SYK: variants seen among roughly 807,000 people sequenced by gnomAD.
SYK encodes the protein spleen associated tyrosine kinase.
A neutral mutation model predicts 77.8 loss-of-function variants in SYK; 16 were observed. The observed-to-expected ratio is 0.21, with a 90% CI of 0.14 to 0.31. The LOEUF (loss-of-function observed/expected upper bound fraction) is 0.31. SYK is among the 10% of genes least tolerant of loss of function. SYK has a pLI of 1.00. For synonymous variants in SYK, 312 were observed against 308.7 expected (o/e 1.01, Z -0.11); for missense variants, 529 against 814.4 (o/e 0.65, Z 4.26).
chr9:90,886,310 A>G (rs1447974590), intron 11 of SYK, among the ~76,000 whole-genome samples: 1 of 152,246 alleles, frequency 6.6e-6, no homozygotes, highest in African/African-American at 2.4e-5. Context: ...CTTTTTTTAA[A>G]AAAATGCTTT....
At chr9:90,848,249 T>G (rs763010090) in intron 3 of SYK, among the ~76,000 whole-genome samples, 5 of 152,200 alleles carry the variant, frequency 3.3e-5, no homozygotes, top group Non-Finnish European at 7.3e-5. Flanking sequence ...TTAGAAGTGT[T>G]TGTTTGTGTG....
Position 90,862,327 on chromosome 9 carries a change from T to C in SYK, c.700T>C (p.Phe234Leu). The change falls in exon 4 of 14, where the codon TTC (phenylalanine) becomes CTC (leucine). Residue 234 changes from phenylalanine to leucine, a missense_variant. Phe to Leu is a conservative substitution (Grantham distance 22). Around this residue, in one of 2 missense-constraint regions of SYK, gnomAD observed 321 missense variants for 433.1 expected, o/e 0.74. Transcript: ENST00000375754. ...GKLSIPEGKK[F>L]DTLWQLVEHY... is the part of the protein sequence containing the mutation. ...GCTCTCCATCCCCGAGGGAAAGAAG[T>C]TCGACACGCTCTGGCAGGTACCCAG... 1 of 1,613,950 alleles carries C rather than the reference T, an allele frequency of 6.2e-7. No homozygotes were observed. The highest frequency in any genetic ancestry group is 1.1e-5 in the South Asian group (1 of 91,062).
chr9:90,889,718 A>G (rs1373120804), intron 13 of SYK, among the ~76,000 whole-genome samples: 1 of 152,222 alleles, frequency 6.6e-6, no homozygotes, highest in East Asian at 1.9e-4. Flanking sequence ...TGGGCCCCGG[A>G]GCATCTTCTC....
intron 1 of SYK, among the ~76,000 whole-genome samples, chr9:90,840,573 A>G (rs111898268): frequency 1.3e-5 from 2 of 151,628 alleles, no homozygotes; most frequent in Non-Finnish European, 2.9e-5. Context: ...AAAAAAAAAA[A>G]AAACTGTAGA....
At chr9:90,874,333 T>C (rs1435358286) in intron 8 of SYK, 42 bp downstream of exon 8, 1 of 1,591,304 alleles carries the variant, frequency 6.3e-7, no homozygotes, top group Non-Finnish European at 8.6e-7. Flanking sequence ...CAGAGCAAAG[T>C]GCGTGGTCAC....
chr9:90,816,686 C>G lies in SYK; in HGVS notation c.-42+14793C>G, dbSNP rs114846305. Reference sequence around the variant, plus strand: ...CTGCAACTTTGTAGTCTTTGACTGTCATCTCCTTATTCCATCACTCCCCAG... The same window carrying G: ...CTGCAACTTTGTAGTCTTTGACTGTGATCTCCTTATTCCATCACTCCCCAG... On this transcript the variant is annotated intron_variant, in intron 1 of 13. Transcript: ENST00000375754. Among the ~76,000 whole-genome samples, 526 of 152,342 alleles carry G rather than the reference C, an allele frequency of 3.5e-3. 4 individuals carry two copies. The highest frequency in any genetic ancestry group is 0.012 in the African/African-American group (508 of 41,572).
chr9:90,889,871 G>A (rs1828722242), intron 13 of SYK, among the ~76,000 whole-genome samples: 1 of 152,230 alleles, frequency 6.6e-6, no homozygotes, highest in South Asian at 2.1e-4. Context: ...CCATTGGCAG[G>A]TAGGCACTGG....
chr9:90,887,794 T>G lies in SYK; in HGVS notation c.1627T>G (p.Cys543Gly). Residue 543 changes from cysteine (C) to glycine (G), a missense_variant, in exon 12 of 14, where the codon TGC becomes GGC. Coordinates refer to ENST00000375754, the MANE Select transcript of SYK (RefSeq NM_003177.7). ...GCCTGTCAAGTGGTACGCTCCGGAA[T>G]GCATCAACTACTACAAGTTCTCCAG... ...KWPVKWYAPECINYYKFSSKS... is the reference protein window; with the variant it reads ...KWPVKWYAPEGINYYKFSSKS... 6.2e-7 allele frequency: 1 copy of G among 1,613,760 alleles called. No homozygotes were observed. The highest frequency in any genetic ancestry group is 8.5e-7 in the Non-Finnish European group (1 of 1,179,852).
At chr9:90,875,974 C>CA (rs1236942492) in intron 9 of SYK, among the ~76,000 whole-genome samples, 1 of 151,940 alleles carries the variant, frequency 6.6e-6, no homozygotes, top group Non-Finnish European at 1.5e-5. Flanking sequence ...AAAATATAGA[C>CA]AAAAATATAC....
chr9:90,843,233 C>T (rs1296224481), intron 1 of SYK, among the ~76,000 whole-genome samples: 3 of 152,138 alleles, frequency 2.0e-5, no homozygotes, highest in Non-Finnish European at 2.9e-5. Context: ...ATCATAGCCC[C>T]GGGCTGGAGG....
At chr9:90,803,628 CT>C (rs1289388179) in intron 1 of SYK, among the ~76,000 whole-genome samples, 5 of 151,568 alleles carry the variant, frequency 3.3e-5, no homozygotes, top group African/African-American at 4.8e-5. Flanking sequence ...AATCTCTCTG[CT>C]TTTTTTTAAT....
chr9:90,844,354 C>A (rs1316603782), intron 2 of SYK, 39 bp downstream of exon 2: 3 of 1,510,012 alleles, frequency 2.0e-6, no homozygotes, highest in Admixed American at 2.3e-5. Context: ...GCCCAGGGGG[C>A]CCTGTGACCC....
intron 3 of SYK, among the ~76,000 whole-genome samples, chr9:90,853,239 A>G (rs1187695225): frequency 2.0e-5 from 3 of 148,038 alleles, no homozygotes; most frequent in African/African-American, 7.5e-5. Flanking sequence ...ACTATCATCT[A>G]GTGTGTCGCT....
Position 90,895,846 on chromosome 9 carries a change from T to C in SYK, c.*246T>C, listed in dbSNP as rs1828962718. On this transcript the variant is annotated 3_prime_UTR_variant, in exon 14 of 14. Transcript: ENST00000375754. The surrounding 1 kb of genome is among the most constrained non-coding windows in gnomAD (Gnocchi z 4.4). ...CTAGCTGGATTTGTTTGTTTTCTTG[T>C]CTGTGTGATTTTCATACAGGTTATT... 1 of 506,662 alleles carries C rather than the reference T, an allele frequency of 2.0e-6. No homozygotes were observed. The highest frequency in any genetic ancestry group is 3.6e-6 in the Non-Finnish European group (1 of 278,670). 31.4% of individuals were successfully genotyped at this position (506,662 alleles called of 1,614,324 possible). A position where few individuals can be genotyped will look rare whatever the true frequency, so the allele number is the denominator to read the frequency against.
At position 90,865,891 on chromosome 9, in the gene SYK, CTT is replaced by C. The variant is rs10680406; in HGVS notation, c.846+818_846+819del. On this transcript the variant is annotated intron_variant, in intron 6 of 13. Coordinates refer to ENST00000375754, the MANE Select transcript of SYK (RefSeq NM_003177.7). ...CTCTTTTCTTGGGGCTACATATGGC[CTT>C]TTTTTTTTTTTTTTTTTTTTTTTGA... 1.5e-4 allele frequency among the ~76,000 whole-genome samples: 9 copies of C among 61,264 alleles called. No homozygotes were observed. The South Asian group carries it at 3.6e-3, about 25-fold the overall frequency. The allele number at this position is 61,264 out of a possible 152,430, so 40.2% of individuals were successfully genotyped here. A position where few individuals can be genotyped will look rare whatever the true frequency, so the allele number is the denominator to read the frequency against.
At position 90,893,772 on chromosome 9, in the gene SYK, T is replaced by C. The variant is rs142754951; in HGVS notation, c.1836-1756T>C. ...GCTCCAGATAGGCCGCCTTTAGGGATTGCAGCTGAGACCTGCAGGCTAAGA... is the reference window on the plus strand; with the variant it reads ...GCTCCAGATAGGCCGCCTTTAGGGACTGCAGCTGAGACCTGCAGGCTAAGA... On this transcript the variant is annotated intron_variant, in intron 13 of 13. Transcript: ENST00000375754. Among the ~76,000 whole-genome samples the C allele has an allele frequency of 3.1e-3, 473 of 152,298 alleles. 2 individuals are homozygous for C. Among genetic ancestry groups the C allele is most frequent in the African/African-American group, 0.011 (450 of 41,550 alleles).
In SYK at chr9:90,867,260, C is replaced by T. The variant is rs916437736; in HGVS notation, c.915+61C>T. On this transcript the variant is annotated intron_variant, in intron 7 of 13. Coordinates refer to ENST00000375754, the MANE Select transcript of SYK (RefSeq NM_003177.7). ...TGGTAGGACCAACGCGCACTCAGCT[C>T]CCGCCCGCCCAGTCTGCCCTGTGTG... 3.4e-5 allele frequency: 53 copies of T among 1,539,756 alleles called. No homozygotes were observed. The Middle Eastern group carries it at 1.7e-3, about 49-fold the overall frequency.
intron 2 of SYK, 105 bp downstream of exon 2, chr9:90,844,420 A>G: frequency 1.6e-6 from 2 of 1,282,862 alleles, no homozygotes; most frequent in Non-Finnish European, 2.1e-6. Context: ...TGTGTGCCCA[A>G]ATAACACAAC....
At chr9:90,822,086 G>A (rs946184868) in intron 1 of SYK, among the ~76,000 whole-genome samples, 1 of 152,152 alleles carries the variant, frequency 6.6e-6, no homozygotes. Flanking sequence ...GCTACTACTT[G>A]CTAATTCAGT....
Sources: allele counts gnomAD v4.1 joint callset (sites outside exome capture counted in the v4.1 genomes callset), GRCh38; gene constraint gnomAD v4.1.1; regional missense constraint gnomAD v4.1.1; non-coding constraint Gnocchi (gnomAD v3.1); transcripts MANE v1.5; gene names NCBI Gene and HGNC (gene_info 2026-07-23, HGNC 2026-07-21).